The following MVB12B variants were observed in gnomAD, a reference collection of about 807,000 sequenced individuals.
MVB12B encodes the protein ESCRT-I complex subunit MVB12B.
A neutral mutation model predicts 41.6 loss-of-function variants in MVB12B; 16 were observed. That is an observed-to-expected ratio of 0.38 (90% CI 0.26 to 0.58). The LOEUF is 0.58. MVB12B is among the 20% of genes least tolerant of loss of function. MVB12B has a pLI of 0.62. For synonymous variants in MVB12B, 133 were observed against 139.7 expected, an observed-to-expected ratio of 0.95 and a Z score of 0.34; for missense variants, 274 against 380.2, an observed-to-expected ratio of 0.72 and a Z score of 2.32.
At chr9:126,466,921 G>A (rs1588194937) in intron 7 of MVB12B, among the ~76,000 whole-genome samples, 1 of 152,094 alleles carries the variant, frequency 6.6e-6, no homozygotes, top group Middle Eastern at 3.4e-3. Flanking sequence ...TCCACCTCCT[G>A]TGTTCAAGTG....
chr9:126,434,976 G>A (rs1056251076), intron 7 of MVB12B, among the ~76,000 whole-genome samples: 6 of 152,084 alleles, frequency 3.9e-5, no homozygotes, highest in Non-Finnish European at 8.8e-5. Flanking sequence ...TCAATGTTTC[G>A]TTGATTCTGA....
intron 2 of MVB12B, among the ~76,000 whole-genome samples, chr9:126,358,429 C>T (rs1165783169): frequency 1.3e-5 from 2 of 151,798 alleles, no homozygotes; most frequent in Admixed American, 1.3e-4. Context: ...AATATTAAGT[C>T]TTCAGATCCA....
At chr9:126,435,184 G>A (rs571861004) in intron 7 of MVB12B, among the ~76,000 whole-genome samples, 7 of 152,186 alleles carry the variant, frequency 4.6e-5, no homozygotes, top group African/African-American at 1.7e-4. Context: ...GGGCACTCCA[G>A]AAGTGGAGCT....
intron 7 of MVB12B, among the ~76,000 whole-genome samples, chr9:126,450,271 A>G (rs953557695): frequency 1.3e-5 from 2 of 152,220 alleles, no homozygotes; most frequent in African/African-American, 4.8e-5. Flanking sequence ...ACTTCCTCTC[A>G]TTAGTCAGCC....
At chr9:126,452,187 G>A (rs766941393) in intron 7 of MVB12B, among the ~76,000 whole-genome samples, 2 of 152,214 alleles carry the variant, frequency 1.3e-5, no homozygotes, top group Non-Finnish European at 2.9e-5. Flanking sequence ...GCAGGCACGC[G>A]CAACCAGGGC....
At chr9:126,358,538 T>C (rs908039444) in intron 2 of MVB12B, among the ~76,000 whole-genome samples, 5 of 152,196 alleles carry the variant, frequency 3.3e-5, no homozygotes, top group Non-Finnish European at 7.4e-5. Flanking sequence ...TGTCTAATCT[T>C]TCAGGCATTT....
At chr9:126,396,517 C>T in intron 6 of MVB12B, 1 of 985,500 alleles carries the variant, frequency 1.0e-6, no homozygotes, top group African/African-American at 1.7e-5. Context: ...CAAAATCTGT[C>T]AGGAACCGGA....
chr9:126,404,602 G>C (rs751838593), intron 6 of MVB12B, among the ~76,000 whole-genome samples: 3 of 152,230 alleles, frequency 2.0e-5, no homozygotes, highest in Non-Finnish European at 4.4e-5. Flanking sequence ...TGTGGGTGGG[G>C]AACTCATCCC....
At chr9:126,426,109 G>T (rs151106345) in intron 7 of MVB12B, among the ~76,000 whole-genome samples, 2 of 152,314 alleles carry the variant, frequency 1.3e-5, no homozygotes, top group East Asian at 3.9e-4. Context: ...GTCCATAGCT[G>T]CTTCACGTTC....
chr9:126,356,536 A>G (rs926730377), intron 2 of MVB12B, among the ~76,000 whole-genome samples: 2 of 152,140 alleles, frequency 1.3e-5, no homozygotes, highest in African/African-American at 4.8e-5. Flanking sequence ...CTGGGACACC[A>G]TCATCACAGT....
At chr9:126,353,400 A>G (rs2118866907) in intron 2 of MVB12B, among the ~76,000 whole-genome samples, 1 of 152,292 alleles carries the variant, frequency 6.6e-6, no homozygotes, top group South Asian at 2.1e-4. Flanking sequence ...TTTTCCCACA[A>G]ATCTGCAAAT....
chr9:126,400,234 T>G (rs1831231291), intron 6 of MVB12B, among the ~76,000 whole-genome samples: 2 of 152,146 alleles, frequency 1.3e-5, no homozygotes, highest in South Asian at 4.1e-4. Context: ...TAGAAGTGTT[T>G]CCAGGTGGGG....
At chr9:126,485,558 T>C (rs1368053849) in intron 9 of MVB12B, among the ~76,000 whole-genome samples, 8 of 79,794 alleles carry the variant, frequency 1.0e-4, no homozygotes, top group Admixed American at 8.7e-4. Context: ...CTGTGCTTCA[T>C]GAGGTCAGGG....
intron 2 of MVB12B, among the ~76,000 whole-genome samples, chr9:126,378,936 C>T (rs375876986): frequency 6.6e-6 from 1 of 152,088 alleles, no homozygotes. Context: ...ATTGGCAAGC[C>T]CTGGAGACCT....
chr9:126,379,031 T>A (rs1490597089), intron 2 of MVB12B, among the ~76,000 whole-genome samples: 1 of 152,174 alleles, frequency 6.6e-6, no homozygotes, highest in African/African-American at 2.4e-5. Flanking sequence ...CCTTGTCTCT[T>A]GGAACGTTAA....
chr9:126,476,350 G>A (rs568330386), intron 7 of MVB12B, among the ~76,000 whole-genome samples: 1 of 152,298 alleles, frequency 6.6e-6, no homozygotes, highest in Admixed American at 6.5e-5. Context: ...TGGGAGGGAG[G>A]GCTTCACCTC....
At chr9:126,408,094 G>T (rs751183343) in intron 6 of MVB12B, 1 of 152,106 alleles carries the variant, frequency 6.6e-6, no homozygotes, top group African/African-American at 2.4e-5. Flanking sequence ...AATATCTTTC[G>T]GTGGAAACTT....
rs536637440 is a variant in MVB12B at position 126,352,872 on chromosome 9, T to C, written c.204+12242T>C. 6.6e-4 allele frequency among the ~76,000 whole-genome samples: 100 copies of C among 152,350 alleles called. 1 individual carries two copies. The highest frequency in any genetic ancestry group is 2.3e-3 in the African/African-American group (96 of 41,580). On this transcript the variant is annotated intron_variant, in intron 2 of 9. Transcript: ENST00000361171. ...CAAAACATTTATGTTTCAGCCTTAA[T>C]ATTATATATATAGGCAGGAAGTATG...
At chr9:126,393,544 G>T (rs1212638302) in intron 5 of MVB12B, among the ~76,000 whole-genome samples, 1 of 152,202 alleles carries the variant, frequency 6.6e-6, no homozygotes, top group Admixed American at 6.5e-5. Flanking sequence ...TTCTTCCATT[G>T]ACCAGGCCTG....
Sources: gnomAD v4.1 joint callset for allele counts (sites outside exome capture counted in the v4.1 genomes callset) on GRCh38, gnomAD v4.1.1 for gene constraint, MANE v1.5 for transcripts, NCBI Gene and HGNC (gene_info 2026-07-23, HGNC 2026-07-21) for gene names.